Variants in PAPSS1 observed in about 807,000 individuals in gnomAD.
The protein encoded by PAPSS1 is bifunctional 3'-phosphoadenosine 5'-phosphosulfate synthase 1.
PAPSS1 carries 50 observed loss-of-function variants against 72.0 expected under a neutral mutation model. The ratio of observed to expected loss-of-function variants is 0.69; its 90% confidence interval spans 0.55 to 0.88. The LOEUF (loss-of-function observed/expected upper bound fraction) is 0.88, where lower values mean the gene tolerates loss of function less well. Among genes scored for constraint, PAPSS1 ranks in the 40% least tolerant of loss-of-function variants. PAPSS1 has a pLI of 0.00. For missense variants in PAPSS1, 657 were observed against 782.2 expected, an observed-to-expected ratio of 0.84 and a Z score of 1.91; for synonymous variants, 261 against 263.6, an observed-to-expected ratio of 0.99 and a Z score of 0.09.
rs1199015210 is a variant in PAPSS1 at position 107,720,162 on chromosome 4, G to A, written c.18C>T (p.Ser6=). 1 of 1,604,316 alleles carries A rather than the reference G, an allele frequency of 6.2e-7. No individual in the cohort carries two copies. The highest frequency in any genetic ancestry group is 1.4e-5 in the African/African-American group (1 of 73,874). The change falls in exon 1 of 12, where the codon AGC becomes AGT. Residue 6 remains serine (S), a synonymous_variant. Coordinates refer to ENST00000265174, the MANE Select transcript of PAPSS1 (RefSeq NM_005443.5). The part of the protein sequence containing the change: MEIPG[S]LCKKVKLSNN... ...TGCTCAGTTTGACTTTCTTGCACAG[G>A]CTCCCGGGGATCTCCATGACCGCGG...
rs1031696996 is a variant in PAPSS1 at position 107,655,803 on chromosome 4, C to T, written c.896-903G>A. On this transcript the variant is annotated intron_variant, in intron 7 of 11. Transcript: ENST00000265174. ...TGCACCAAGCCCAAGACTAAATCAT[C>T]GTAAAGGAGGTAGTCCACAAGACTT... Among the ~76,000 whole-genome samples the T allele has an allele frequency of 5.3e-5, 8 of 152,214 alleles. No homozygotes were observed. The South Asian group carries it at 1.7e-3, about 32-fold the overall frequency.
chr4:107,696,525 G>A (rs1057048129), intron 2 of PAPSS1, among the ~76,000 whole-genome samples: 3 of 152,024 alleles, frequency 2.0e-5, no homozygotes, highest in Non-Finnish European at 2.9e-5. Context: ...CTGAACACAT[G>A]GACATGGAGG....
chr4:107,633,873 A>AG (rs1290420217), intron 10 of PAPSS1, among the ~76,000 whole-genome samples: 1 of 147,898 alleles, frequency 6.8e-6, no homozygotes, highest in East Asian at 2.0e-4. Context: ...GAGCTGAGAT[A>AG]GCACCACTGC....
intron 9 of PAPSS1, among the ~76,000 whole-genome samples, chr4:107,648,338 T>C (rs1726747272): frequency 6.6e-6 from 1 of 152,210 alleles, no homozygotes; most frequent in African/African-American, 2.4e-5. Flanking sequence ...GCAAGGACTG[T>C]CGTGTCGTGG....
chr4:107,639,006 C>G (rs1726461825), intron 10 of PAPSS1, among the ~76,000 whole-genome samples: 1 of 152,184 alleles, frequency 6.6e-6, no homozygotes, highest in East Asian at 1.9e-4. Context: ...TACTGAGCTA[C>G]TGACGCTGTG....
Position 107,621,608 on chromosome 4 carries a change from C to CTTTTT in PAPSS1, c.1737-7226_1737-7222dup, listed in dbSNP as rs10670438. Among the ~76,000 whole-genome samples the CTTTTT allele has an allele frequency of 2.7e-3, 129 of 48,158 alleles. 19 individuals carry two copies. Among genetic ancestry groups the CTTTTT allele is most frequent in the African/African-American group, 5.1e-3 (67 of 13,154 alleles). The allele number at this position is 48,158 out of a possible 152,430, so 31.6% of individuals were successfully genotyped here. On this transcript the variant is annotated intron_variant, in intron 11 of 11. Transcript: ENST00000265174. ...CTTTCTAGGAAGACAGGTTTTTTAT[C>CTTTTT]TTTTTTTTTTTTTTTTTTTTTTTTT...
chr4:107,674,891 A>G (rs1164608105), intron 5 of PAPSS1, among the ~76,000 whole-genome samples: 1 of 152,052 alleles, frequency 6.6e-6, no homozygotes, highest in African/African-American at 2.4e-5. Flanking sequence ...ACTCAAAACC[A>G]CTCAACTACA....
At chr4:107,651,428 G>C (rs1306049510) in intron 9 of PAPSS1, among the ~76,000 whole-genome samples, 1 of 152,066 alleles carries the variant, frequency 6.6e-6, no homozygotes, top group East Asian at 1.9e-4. Context: ...CAAAAATTAA[G>C]GCACCTGTAT....
intron 9 of PAPSS1, among the ~76,000 whole-genome samples, chr4:107,646,346 T>TAC (rs1282010635): frequency 2.1e-5 from 3 of 145,154 alleles, no homozygotes; most frequent in Non-Finnish European, 3.0e-5. Context: ...CATACACACA[T>TAC]ACACACACAC....
chr4:107,638,351 G>A (rs1267971264), intron 10 of PAPSS1, among the ~76,000 whole-genome samples: 1 of 152,146 alleles, frequency 6.6e-6, no homozygotes, highest in African/African-American at 2.4e-5. Context: ...TTTCGTATAT[G>A]AGGCCCAATA....
At chr4:107,707,978 T>C (rs113993238) in intron 1 of PAPSS1, among the ~76,000 whole-genome samples, 4 of 152,308 alleles carry the variant, frequency 2.6e-5, no homozygotes, top group African/African-American at 4.8e-5. Flanking sequence ...CCCACACATC[T>C]GAATCTTATT....
At chr4:107,700,519 A>G (rs1227184310) in intron 2 of PAPSS1, among the ~76,000 whole-genome samples, 2 of 152,172 alleles carry the variant, frequency 1.3e-5, no homozygotes, top group Non-Finnish European at 2.9e-5. Flanking sequence ...GTACCATGCT[A>G]TGGTTTGAAT....
chr4:107,661,104 A>G (rs1303982264), intron 5 of PAPSS1, among the ~76,000 whole-genome samples: 1 of 152,222 alleles, frequency 6.6e-6, no homozygotes, highest in Non-Finnish European at 1.5e-5. Context: ...GCATATGAAA[A>G]GATGTTCAAC....
At chr4:107,668,541 C>T (rs953130041) in intron 5 of PAPSS1, among the ~76,000 whole-genome samples, 1 of 152,070 alleles carries the variant, frequency 6.6e-6, no homozygotes, top group African/African-American at 2.4e-5. Context: ...TGGGTAGGCA[C>T]CATCTAATCA....
intron 3 of PAPSS1, among the ~76,000 whole-genome samples, chr4:107,689,411 C>T (rs1268517115): frequency 6.6e-6 from 1 of 152,202 alleles, no homozygotes; most frequent in Non-Finnish European, 1.5e-5. Flanking sequence ...TGCTTCCTCA[C>T]AGCACATCTC....
chr4:107,643,182 G>C (rs1726598340), intron 10 of PAPSS1, among the ~76,000 whole-genome samples: 1 of 152,170 alleles, frequency 6.6e-6, no homozygotes, highest in Non-Finnish European at 1.5e-5. Context: ...TATGCGGTAT[G>C]ATCTGAATTA....
chr4:107,684,934 C>A (rs1203789511), intron 4 of PAPSS1, among the ~76,000 whole-genome samples: 8 of 151,786 alleles, frequency 5.3e-5, no homozygotes, highest in Admixed American at 5.2e-4. Context: ...TAGATGGAGT[C>A]TCGCTCTGTC....
chr4:107,708,738 C>T (rs946712020), intron 1 of PAPSS1, among the ~76,000 whole-genome samples: 1 of 152,182 alleles, frequency 6.6e-6, no homozygotes, highest in African/African-American at 2.4e-5. Context: ...AAACATAGTA[C>T]TCTGGATATA....
At chr4:107,686,930 G>T in intron 4 of PAPSS1, 109 bp downstream of exon 4, 1 of 968,812 alleles carries the variant, frequency 1.0e-6, no homozygotes, top group Non-Finnish European at 1.5e-6. Flanking sequence ...CTCTCCTCAA[G>T]GAGCTCCAAG....
Sources: gnomAD v4.1 joint callset for allele counts (sites outside exome capture counted in the v4.1 genomes callset) on GRCh38, gnomAD v4.1.1 for gene constraint, MANE v1.5 for transcripts, NCBI Gene and HGNC (gene_info 2026-07-23, HGNC 2026-07-21) for gene names.